ODAD2: variants seen among roughly 807,000 people sequenced by gnomAD.
ODAD2 encodes the protein outer dynein arm-docking complex subunit 2.
In ODAD2, 89 loss-of-function variants were observed where a neutral mutation model predicts 106.8. The observed-to-expected ratio is 0.83, with a 90% CI of 0.70 to 0.99. The LOEUF (loss-of-function observed/expected upper bound fraction) is 0.99, where lower values mean the gene tolerates loss of function less well. Among genes scored for constraint, ODAD2 ranks in the 50% least tolerant of loss-of-function variants. ODAD2 has a pLI of 0.00. For missense variants in ODAD2, 1,168 were observed against 1,238.5 expected (o/e 0.94, Z 0.85); for synonymous variants, 404 against 436.2 (o/e 0.93, Z 0.92).
intron 16 of ODAD2, among the ~76,000 whole-genome samples, chr10:27,930,637 A>C (rs985681304): frequency 6.6e-6 from 1 of 151,850 alleles, no homozygotes; most frequent in African/African-American, 2.4e-5. Context: ...AAAAAAAAAA[A>C]AAAGAAAAAG....
At chr10:27,997,591 T>G (rs150341487) in intron 1 of ODAD2, 1 of 152,242 alleles carries the variant, frequency 6.6e-6, no homozygotes, top group African/African-American at 2.4e-5. Flanking sequence ...CATTTGAATC[T>G]ATTCAAATTG....
rs146183027 is a variant in ODAD2, at chr10:27,819,672, C to T, written c.3022-7047G>A. On this transcript the variant is annotated intron_variant, in intron 19 of 19. Transcript: ENST00000305242. ...GCTGGGTGGGTCTGAGAGGCTGAGA[C>T]GGGAGGATGGCTTGAGCCCAGCTCT... Among the ~76,000 whole-genome samples, 631 of 149,530 alleles carry T rather than the reference C, an allele frequency of 4.2e-3. 3 individuals are homozygous for T. Among genetic ancestry groups the T allele is most frequent in the African/African-American group, 0.014 (587 of 40,552 alleles).
intron 16 of ODAD2, among the ~76,000 whole-genome samples, chr10:27,908,088 G>T (rs1271071811): frequency 6.6e-6 from 1 of 151,988 alleles, no homozygotes; most frequent in Non-Finnish European, 1.5e-5. Context: ...AAAAATACGG[G>T]TTTCTTTCAT....
At chr10:27,931,812 G>C (rs1845636019) in intron 16 of ODAD2, among the ~76,000 whole-genome samples, 1 of 149,928 alleles carries the variant, frequency 6.7e-6, no homozygotes, top group Non-Finnish European at 1.5e-5. Context: ...ATACAGAATA[G>C]AAGTAGAGGC....
chr10:27,984,439 G>A, intron 4 of ODAD2, 149 bp from the exon 5 acceptor site: 1 of 597,516 alleles, frequency 1.7e-6, no homozygotes, highest in South Asian at 2.2e-5. Flanking sequence ...TAACAGCACT[G>A]TCAACACATC....
intron 9 of ODAD2, among the ~76,000 whole-genome samples, chr10:27,962,388 AGATATTGACT>A (rs1214506938): frequency 1.1e-4 from 16 of 152,252 alleles, no homozygotes; most frequent in African/African-American, 3.9e-4. Flanking sequence ...TGGACAGCTC[AGATATTGACT>A]ATTTCTATTA....
intron 14 of ODAD2, among the ~76,000 whole-genome samples, chr10:27,938,197 C>T (rs1191704773): frequency 6.6e-6 from 1 of 152,092 alleles, no homozygotes; most frequent in Non-Finnish European, 1.5e-5. Context: ...CCTCGGCCTC[C>T]CAAAATGCTG....
chr10:27,988,527 G>A lies in ODAD2; in HGVS notation c.225-984C>T, dbSNP rs577723731. On this transcript the variant is annotated intron_variant, in intron 2 of 19. Coordinates refer to ENST00000305242, the MANE Select transcript of ODAD2 (RefSeq NM_018076.5). ...AATTTTTGTATTTTTAGTAGACAAC[G>A]GGGTTACACTATGTTGGCCAGGCTG... 8.6e-4 allele frequency among the ~76,000 whole-genome samples: 130 copies of A among 151,950 alleles called. 1 individual carries two copies. The highest frequency in any genetic ancestry group is 2.9e-3 in the African/African-American group (120 of 41,460).
chr10:27,874,576 C>T (rs1841174319), intron 17 of ODAD2, among the ~76,000 whole-genome samples: 1 of 152,132 alleles, frequency 6.6e-6, no homozygotes, highest in South Asian at 2.1e-4. Context: ...TCAGCATTTG[C>T]TTATCTGTAA....
At chr10:27,881,402 C>T (rs1478764883) in intron 17 of ODAD2, among the ~76,000 whole-genome samples, 2 of 151,588 alleles carry the variant, frequency 1.3e-5, no homozygotes, top group African/African-American at 2.4e-5. Context: ...AATCCCAGCA[C>T]ATTGGGAGGC....
chr10:27,857,837 A>G (rs1354903279), intron 19 of ODAD2, among the ~76,000 whole-genome samples: 2 of 152,216 alleles, frequency 1.3e-5, no homozygotes, highest in Non-Finnish European at 2.9e-5. Flanking sequence ...ATTGTTAAAG[A>G]GCCTGTCAAC....
chr10:27,983,710 T>C, intron 6 of ODAD2, 133 bp downstream of exon 6: 5 of 872,174 alleles, frequency 5.7e-6, no homozygotes, highest in Middle Eastern at 6.2e-4. Context: ...AGCAAGCATA[T>C]ATCAAAGGAA....
intron 10 of ODAD2, among the ~76,000 whole-genome samples, chr10:27,961,305 A>T (rs1399966076): frequency 6.6e-6 from 1 of 152,146 alleles, no homozygotes; most frequent in Non-Finnish European, 1.5e-5. Context: ...AAATGGCAGC[A>T]AGTCACAGTG....
At position 27,995,003 on chromosome 10, in the gene ODAD2, T is replaced by C. The variant is rs1159635723; in HGVS notation, c.140A>G (p.Gln47Arg). The change falls in exon 2 of 20, where the codon CAA becomes CGA. Residue 47 changes from glutamine to arginine, a missense_variant. By Grantham distance (43) the Gln-to-Arg change is conservative (BLOSUM62 1). Coordinates refer to ENST00000305242, the MANE Select transcript of ODAD2 (RefSeq NM_018076.5). ...FVESFIYKHP[Q>R]EAKFVFVEPL... ...TTCCACAAAAACAAATTTTGCCTCT[T>C]GAGGATGTTTATAGATAAAACTCTC... The C allele has an allele frequency of 1.2e-6, 2 of 1,614,110 alleles. No individual in the cohort carries two copies. The highest frequency in any genetic ancestry group is 1.7e-6 in the Non-Finnish European group (2 of 1,180,042).
At chr10:27,945,295 TTGAACAGGGTA>T (rs1347194294) in intron 10 of ODAD2, among the ~76,000 whole-genome samples, 1 of 152,194 alleles carries the variant, frequency 6.6e-6, no homozygotes, top group Non-Finnish European at 1.5e-5. Flanking sequence ...CCCCCAGTTC[TTGAACAGGGTA>T]TTGCATAATG....
At chr10:27,834,027 C>T (rs1837677070) in intron 19 of ODAD2, among the ~76,000 whole-genome samples, 1 of 152,148 alleles carries the variant, frequency 6.6e-6, no homozygotes, top group African/African-American at 2.4e-5. Flanking sequence ...AGGTGCTGGC[C>T]AGAAGGTGAG....
intron 19 of ODAD2, among the ~76,000 whole-genome samples, chr10:27,842,119 G>T (rs1838349245): frequency 6.6e-6 from 1 of 152,056 alleles, no homozygotes; most frequent in Non-Finnish European, 1.5e-5. Context: ...GTATAAAATG[G>T]GTTGTCCCTT....
intron 13 of ODAD2, 118 bp downstream of exon 13, chr10:27,940,445 A>T: frequency 8.0e-7 from 1 of 1,243,960 alleles, no homozygotes; most frequent in Non-Finnish European, 1.1e-6. Flanking sequence ...TCTTTCTCAT[A>T]GAATGCTGAC....
At chr10:27,985,309 A>G (rs745461070) in intron 3 of ODAD2, 98 bp from the exon 4 acceptor site, 5 of 1,011,976 alleles carry the variant, frequency 4.9e-6, no homozygotes, top group Non-Finnish European at 6.9e-6. Flanking sequence ...GTCCATTCAG[A>G]CGTGTTTCTT....
Sources: gnomAD v4.1 joint callset for allele counts (sites outside exome capture counted in the v4.1 genomes callset) on GRCh38, gnomAD v4.1.1 for gene constraint, MANE v1.5 for transcripts, NCBI Gene and HGNC (gene_info 2026-07-23, HGNC 2026-07-21) for gene names.